The following ZBTB2 variants were observed in gnomAD, a reference collection of about 807,000 sequenced individuals.
ZBTB2 encodes the protein zinc finger and BTB domain-containing protein 2.
A neutral mutation model predicts 39.5 loss-of-function variants in ZBTB2; 2 were observed. The ratio of observed to expected loss-of-function variants is 0.05; its 90% confidence interval spans 0.02 to 0.16. The LOEUF is 0.16. Ranked by LOEUF, ZBTB2 falls within the 10% of genes least tolerant of loss-of-function variation. The probability of loss-of-function intolerance (pLI) is 1.00; values close to 1 mark genes in which losing one functional copy is unlikely to be tolerated. For synonymous variants in ZBTB2, 251 were observed against 256.6 expected, an observed-to-expected ratio of 0.98 and a Z score of 0.21; for missense variants, 391 against 653.0, an observed-to-expected ratio of 0.60 and a Z score of 4.37.
chr6:151,381,534 AT>A (rs1393383479), intron 1 of ZBTB2, among the ~76,000 whole-genome samples: 1 of 151,298 alleles, frequency 6.6e-6, no homozygotes, highest in Non-Finnish European at 1.5e-5. Context: ...AAAATAAAAA[AT>A]AAAAATAAAA....
intron 1 of ZBTB2, among the ~76,000 whole-genome samples, chr6:151,385,931 C>A (rs147986373): frequency 6.6e-6 from 1 of 152,092 alleles, no homozygotes; most frequent in East Asian, 1.9e-4. Flanking sequence ...TTAACATTTC[C>A]TTAGTCAACC....
At chr6:151,390,356 G>A (rs568053777) in intron 1 of ZBTB2, among the ~76,000 whole-genome samples, 3 of 140,838 alleles carry the variant, frequency 2.1e-5, no homozygotes, top group African/African-American at 7.8e-5. Flanking sequence ...CCCCCTCCCT[G>A]TCCCCGTCCC....
chr6:151,390,453 C>A (rs1432148664), intron 1 of ZBTB2, among the ~76,000 whole-genome samples: 1 of 150,086 alleles, frequency 6.7e-6, no homozygotes, highest in Non-Finnish European at 1.5e-5. Flanking sequence ...CGCGCGCGCG[C>A]TCGCCCCAAG....
chr6:151,388,363 C>T (rs1233744192), intron 1 of ZBTB2, among the ~76,000 whole-genome samples: 1 of 152,200 alleles, frequency 6.6e-6, no homozygotes, highest in Non-Finnish European at 1.5e-5. Flanking sequence ...GCAGTTCCCA[C>T]CTCTAAAGCT....
chr6:151,378,065 A>T (rs896101943), intron 1 of ZBTB2: 2 of 152,184 alleles, frequency 1.3e-5, no homozygotes, highest in African/African-American at 4.8e-5. Flanking sequence ...TCTGTAACCA[A>T]ACAATCGCAA....
chr6:151,376,751 T>C (rs1389617834), intron 1 of ZBTB2, among the ~76,000 whole-genome samples: 1 of 152,092 alleles, frequency 6.6e-6, no homozygotes, highest in Non-Finnish European at 1.5e-5. Flanking sequence ...GGTAGGAATG[T>C]AAAATGGTAC....
chr6:151,390,351 T>C (rs1779259541), intron 1 of ZBTB2, among the ~76,000 whole-genome samples: 1 of 63,868 alleles, frequency 1.6e-5, no homozygotes, highest in African/African-American at 1.3e-4. Flanking sequence ...CCCCGCCCCC[T>C]CCCTGTCCCC....
intron 1 of ZBTB2, among the ~76,000 whole-genome samples, chr6:151,382,270 T>C (rs1779049969): frequency 6.6e-6 from 1 of 152,246 alleles, no homozygotes; most frequent in African/African-American, 2.4e-5. Flanking sequence ...TTTTCCTTTT[T>C]TTTAGATGGA....
intron 1 of ZBTB2, among the ~76,000 whole-genome samples, chr6:151,390,454 T>G (rs1455966117): frequency 6.8e-6 from 1 of 147,026 alleles, no homozygotes; most frequent in African/African-American, 2.5e-5. Flanking sequence ...GCGCGCGCGC[T>G]CGCCCCAAGT....
chr6:151,365,386 G>T lies in ZBTB2; in HGVS notation c.*135C>A. 2 of 1,017,208 alleles carry T rather than the reference G, an allele frequency of 2.0e-6. No homozygotes were observed. The highest frequency in any genetic ancestry group is 2.9e-6 in the Non-Finnish European group (2 of 698,946). 63.0% of individuals were successfully genotyped at this position (1,017,208 alleles called of 1,614,324 possible). A position where few individuals can be genotyped will look rare whatever the true frequency, so the allele number is the denominator to read the frequency against. On this transcript the variant is annotated 3_prime_UTR_variant, in exon 3 of 3. Transcript: ENST00000325144. This position sits in a 1 kb window ranked among gnomAD's most constrained non-coding sequence, Gnocchi z 5.6. Reference sequence around the variant, plus strand: ...GCCTTTACAGAGGTGGGGCTGGGATGTGGAAAAGGGGAAGAGGAGAAGAGA... The same window carrying T: ...GCCTTTACAGAGGTGGGGCTGGGATTTGGAAAAGGGGAAGAGGAGAAGAGA...
chr6:151,373,843 T>TAAAAAAAAAAAAAA (rs200070063), intron 1 of ZBTB2, among the ~76,000 whole-genome samples, 194 bp from the exon 2 acceptor site: 2 of 45,996 alleles, frequency 4.3e-5, no homozygotes, highest in African/African-American at 6.3e-5. Flanking sequence ...ATTATGCCTT[T>TAAAAAAAAAAAAAA]AAAAAAAAAA....
At position 151,366,960 on chromosome 6, in the gene ZBTB2, A is replaced by G; in HGVS notation, c.174-68T>C. ...TAGGTGTTAACATAAAGCCTGAAGAAAAAAATGAATGCTTAAAAACAAAGG... is the reference window on the plus strand; with the variant it reads ...TAGGTGTTAACATAAAGCCTGAAGAGAAAAATGAATGCTTAAAAACAAAGG... On this transcript the variant is annotated intron_variant, in intron 2 of 2. Coordinates refer to ENST00000325144, the MANE Select transcript of ZBTB2 (RefSeq NM_020861.3). This position sits in a 1 kb window ranked among gnomAD's most constrained non-coding sequence, Gnocchi z 7.1. 6.8e-7 allele frequency: 1 copy of G among 1,465,092 alleles called. No individual in the cohort carries two copies. The highest frequency in any genetic ancestry group is 9.1e-7 in the Non-Finnish European group (1 of 1,097,272). The allele number at this position is 1,465,092 out of a possible 1,614,324, so 90.8% of individuals were successfully genotyped here.
At chr6:151,380,302 T>C (rs1002309254) in intron 1 of ZBTB2, among the ~76,000 whole-genome samples, 5 of 152,210 alleles carry the variant, frequency 3.3e-5, no homozygotes, top group Admixed American at 6.5e-5. Context: ...CTGTTCCATA[T>C]GTGAACTGCC....
At chr6:151,368,472 T>G (rs1778700109) in intron 2 of ZBTB2, among the ~76,000 whole-genome samples, 1 of 151,034 alleles carries the variant, frequency 6.6e-6, no homozygotes, top group South Asian at 2.1e-4. Context: ...TTGTTTTGTT[T>G]TGAGACAGAG....
intron 1 of ZBTB2, among the ~76,000 whole-genome samples, chr6:151,374,615 T>C (rs1317508277): frequency 6.6e-6 from 1 of 151,962 alleles, no homozygotes; most frequent in Non-Finnish European, 1.5e-5. Flanking sequence ...GGTGAATGCC[T>C]TCTCCATAAG....
chr6:151,375,077 A>ATG (rs1778879911), intron 1 of ZBTB2, among the ~76,000 whole-genome samples: 1 of 152,048 alleles, frequency 6.6e-6, no homozygotes, highest in African/African-American at 2.4e-5. Flanking sequence ...CCGAGCTCAC[A>ATG]CCACTGCACT....
At chr6:151,379,692 A>G (rs1377569254) in intron 1 of ZBTB2, among the ~76,000 whole-genome samples, 2 of 151,404 alleles carry the variant, frequency 1.3e-5, no homozygotes, top group South Asian at 4.2e-4. Context: ...CTCTTTGTAT[A>G]TAAGGAAAAT....
Position 151,365,296 on chromosome 6 carries a change from T to A in ZBTB2, c.*225A>T. ...TCAAAATTTGAGTTTATAAGTATAA[T>A]GACCATTATCTTTCCAATATCCCCT... On this transcript the variant is annotated 3_prime_UTR_variant, in exon 3 of 3. Transcript: ENST00000325144. The surrounding 1 kb of genome is among the most constrained non-coding windows in gnomAD (Gnocchi z 5.6). 2.0e-6 allele frequency: 1 copy of A among 507,776 alleles called. No homozygotes were observed. The highest frequency in any genetic ancestry group is 3.4e-6 in the Non-Finnish European group (1 of 291,118). The allele number at this position is 507,776 out of a possible 1,614,324, so 31.5% of individuals were successfully genotyped here.
chr6:151,386,476 G>A (rs1779155046), intron 1 of ZBTB2, among the ~76,000 whole-genome samples: 1 of 152,190 alleles, frequency 6.6e-6, no homozygotes, highest in Non-Finnish European at 1.5e-5. Context: ...TGAGGCTGCT[G>A]TGAGCCATGG....
Sources: allele counts gnomAD v4.1 joint callset (sites outside exome capture counted in the v4.1 genomes callset), GRCh38; gene constraint gnomAD v4.1.1; non-coding constraint Gnocchi (gnomAD v3.1); transcripts MANE v1.5; gene names NCBI Gene and HGNC (gene_info 2026-07-23, HGNC 2026-07-21).